Variants in DTHD1 observed in about 807,000 individuals in gnomAD.
DTHD1 encodes the protein death domain-containing protein 1.
Under a neutral mutation model 74.8 loss-of-function variants are expected in DTHD1, and 59 were observed. The observed-to-expected ratio is 0.79, with a 90% confidence interval of 0.64 to 0.98. The LOEUF (loss-of-function observed/expected upper bound fraction) is 0.98. Ranked by LOEUF, DTHD1 falls within the 50% of genes least tolerant of loss-of-function variation. The pLI is 0.00. For missense variants in DTHD1, 1,051 were observed against 1,065.4 expected (o/e 0.99, Z 0.19); for synonymous variants, 365 against 371.1 (o/e 0.98, Z 0.19).
At chr4:36,282,095 G>A in intron 1 of DTHD1, 66 bp downstream of exon 1, 2 of 1,353,816 alleles carry the variant, frequency 1.5e-6, no homozygotes, top group Admixed American at 2.4e-5. Flanking sequence ...GATCTGAGAG[G>A]GGCTATGAGT....
At chr4:36,292,750 G>T (rs1352226640) in intron 3 of DTHD1, among the ~76,000 whole-genome samples, 1 of 152,186 alleles carries the variant, frequency 6.6e-6, no homozygotes, top group African/African-American at 2.4e-5. Flanking sequence ...GATTATCCAC[G>T]CATGCTGGGG....
At chr4:36,285,969 C>T (rs1755689021) in intron 2 of DTHD1, among the ~76,000 whole-genome samples, 1 of 152,158 alleles carries the variant, frequency 6.6e-6, no homozygotes, top group South Asian at 2.1e-4. Flanking sequence ...CTTTGATGTA[C>T]TGATGCTCTT....
chr4:36,282,039 C>G lies in DTHD1; in HGVS notation c.271+10C>G, dbSNP rs1443024801. On this transcript the variant is annotated intron_variant, in intron 1 of 9. Coordinates refer to ENST00000639862, the MANE Select transcript of DTHD1 (RefSeq NM_001170700.3). ...TGTGTCTCGAGAAAAGGCAAGTATT[C>G]TTTTTTTTAGTTTATTCTTTCTCTA... 1 of 1,519,156 alleles carries G rather than the reference C, an allele frequency of 6.6e-7. No homozygotes were observed. Among genetic ancestry groups the G allele is most frequent in the Middle Eastern group, 1.8e-4 (1 of 5,546 alleles). The allele number at this position is 1,519,156 out of a possible 1,614,324, so 94.1% of individuals were successfully genotyped here. A position where few individuals can be genotyped will look rare whatever the true frequency, so the allele number is the denominator to read the frequency against.
intron 8 of DTHD1, among the ~76,000 whole-genome samples, chr4:36,327,626 ATTACG>A (rs1367066801): frequency 6.6e-6 from 1 of 152,210 alleles, no homozygotes; most frequent in South Asian, 2.1e-4. Flanking sequence ...CTTTATGTGC[ATTACG>A]TCATTTAATC....
At position 36,344,473 on chromosome 4, in the gene DTHD1, G is replaced by C. The variant is rs1449008973; in HGVS notation, c.*649G>C. ...GATTTAAAGATTCTTGATTGGCATT[G>C]ATTGAACAGTTATTATCTAAAGACC... On this transcript the variant is annotated 3_prime_UTR_variant, in exon 10 of 10. Transcript: ENST00000639862. 1 of 152,258 alleles carries C rather than the reference G, an allele frequency of 6.6e-6. No individual in the cohort carries two copies. The highest frequency in any genetic ancestry group is 2.4e-5 in the African/African-American group (1 of 41,458). The allele number at this position is 152,258 out of a possible 1,614,324, so 9.4% of individuals were successfully genotyped here.
intron 9 of DTHD1, 127 bp from the exon 10 acceptor site, chr4:36,343,375 A>G (rs371908660): frequency 1.3e-5 from 11 of 818,286 alleles, no homozygotes; most frequent in African/African-American, 1.0e-4. Context: ...GTAGTCTCAT[A>G]TCTCTGCACT....
rs1037889546 is a variant in DTHD1 at position 36,346,714 on chromosome 4, G to T, written c.*2890G>T. On this transcript the variant is annotated 3_prime_UTR_variant, in exon 10 of 10. Transcript: ENST00000639862. Reference sequence around the variant, plus strand: ...TTGCTAATGCAAAGCCCCAGCAGAAGACAGACAGGAGGAAGGAGAGTGAAT... The same window carrying T: ...TTGCTAATGCAAAGCCCCAGCAGAATACAGACAGGAGGAAGGAGAGTGAAT... Among the ~76,000 whole-genome samples, 1 of 151,900 alleles carries T rather than the reference G, an allele frequency of 6.6e-6. No individual in the cohort carries two copies. Among genetic ancestry groups the T allele is most frequent in the Non-Finnish European group, 1.5e-5 (1 of 68,012 alleles).
chr4:36,298,822 G>C (rs1266973488), intron 5 of DTHD1, among the ~76,000 whole-genome samples: 2 of 152,108 alleles, frequency 1.3e-5, no homozygotes, highest in Non-Finnish European at 2.9e-5. Flanking sequence ...CAATATTTTA[G>C]AGAGTTAGAC....
rs1404294458 is a variant in DTHD1 at position 36,282,020 on chromosome 4, T to A, written c.262T>A (p.Ser88Thr). ...VLLDKENQCVSRKEIITFIDC... is the reference protein window; with the variant it reads ...VLLDKENQCVTRKEIITFIDC... ...GCTTGACAAAGAGAATCAATGTGTCTCGAGAAAAGGCAAGTATTCTTTTTT... is the reference window on the plus strand; with the variant it reads ...GCTTGACAAAGAGAATCAATGTGTCACGAGAAAAGGCAAGTATTCTTTTTT... Residue 88 changes from serine (S) to threonine (T), a missense_variant, in exon 1 of 10, where the codon TCG becomes ACG. By Grantham distance (58) the Ser-to-Thr change is moderately conservative. Coordinates refer to ENST00000639862, the MANE Select transcript of DTHD1 (RefSeq NM_001170700.3). 4 of 1,524,136 alleles carry A rather than the reference T, an allele frequency of 2.6e-6. No individual in the cohort carries two copies. The highest frequency in any genetic ancestry group is 3.5e-6 in the Non-Finnish European group (4 of 1,132,592). The allele number at this position is 1,524,136 out of a possible 1,614,324, so 94.4% of individuals were successfully genotyped here.
intron 5 of DTHD1, among the ~76,000 whole-genome samples, chr4:36,298,085 C>A (rs760998800): frequency 1.1e-4 from 17 of 151,880 alleles, no homozygotes; most frequent in Non-Finnish European, 2.2e-4. Context: ...TCTAGAAAAT[C>A]TTTCTTCTGC....
intron 9 of DTHD1, among the ~76,000 whole-genome samples, chr4:36,343,218 A>T (rs992655243): frequency 6.6e-6 from 1 of 152,222 alleles, no homozygotes; most frequent in African/African-American, 2.4e-5. Flanking sequence ...CATGTAGAGC[A>T]GAGCGTAAAA....
intron 5 of DTHD1, among the ~76,000 whole-genome samples, chr4:36,300,000 A>G (rs1428610179): frequency 1.3e-5 from 2 of 151,950 alleles, no homozygotes; most frequent in African/African-American, 4.8e-5. Flanking sequence ...CCTTATTTAA[A>G]TCTCCCTAAT....
intron 6 of DTHD1, among the ~76,000 whole-genome samples, chr4:36,307,092 T>C (rs1757100636): frequency 6.6e-6 from 1 of 152,222 alleles, no homozygotes; most frequent in East Asian, 1.9e-4. Context: ...TCCTTGTCTA[T>C]GGATGTAGGG....
At chr4:36,327,497 G>A (rs1342394042) in intron 8 of DTHD1, among the ~76,000 whole-genome samples, 3 of 152,152 alleles carry the variant, frequency 2.0e-5, no homozygotes, top group Admixed American at 2.0e-4. Flanking sequence ...CGTCTTCCAC[G>A]TAGCTGCATT....
chr4:36,310,672 G>T (rs1757345242), intron 7 of DTHD1, among the ~76,000 whole-genome samples: 1 of 151,542 alleles, frequency 6.6e-6, no homozygotes, highest in Non-Finnish European at 1.5e-5. Context: ...TTCTTTTTTT[G>T]CTTCAAAAAA....
At chr4:36,313,569 C>A (rs908543526) in intron 7 of DTHD1, among the ~76,000 whole-genome samples, 6 of 152,150 alleles carry the variant, frequency 3.9e-5, no homozygotes, top group Non-Finnish European at 1.5e-5. Flanking sequence ...ATAATGGTTT[C>A]TGTTTACAAC....
In DTHD1 at chr4:36,286,052, T is replaced by C. The variant is rs186490486; in HGVS notation, c.887+1461T>C. Among the ~76,000 whole-genome samples the C allele has an allele frequency of 1.8e-4, 28 of 152,316 alleles. No homozygotes were observed. In the East Asian group the frequency reaches 5.4e-3, roughly 29 times the overall value. ...TTTGCTCACCTTGACCTTAGTTATCTCGCCCATAAAATGAAGAGGTGGTTC... is the reference window on the plus strand; with the variant it reads ...TTTGCTCACCTTGACCTTAGTTATCCCGCCCATAAAATGAAGAGGTGGTTC... On this transcript the variant is annotated intron_variant, in intron 2 of 9. Coordinates refer to ENST00000639862, the MANE Select transcript of DTHD1 (RefSeq NM_001170700.3).
At chr4:36,338,389 G>A (rs899176109) in intron 8 of DTHD1, among the ~76,000 whole-genome samples, 13 of 151,910 alleles carry the variant, frequency 8.6e-5, no homozygotes, top group African/African-American at 3.1e-4. Flanking sequence ...TCCAGTTTTT[G>A]GCTAATTCAA....
intron 9 of DTHD1, among the ~76,000 whole-genome samples, chr4:36,340,769 G>C (rs1759271873): frequency 6.6e-6 from 1 of 151,586 alleles, no homozygotes; most frequent in Non-Finnish European, 1.5e-5. Flanking sequence ...CCCATAGTTA[G>C]TGGTGATGGT....
Sources: allele counts gnomAD v4.1 joint callset (sites outside exome capture counted in the v4.1 genomes callset), GRCh38; gene constraint gnomAD v4.1.1; transcripts MANE v1.5; gene names NCBI Gene and HGNC (gene_info 2026-07-23, HGNC 2026-07-21).